Variants in DMD observed in about 807,000 individuals in gnomAD.
DMD encodes the protein dystrophin.
In DMD, 63 loss-of-function variants were observed where a neutral mutation model predicts 330.1. The ratio of observed to expected loss-of-function variants is 0.19; its 90% CI spans 0.16 to 0.24. The LOEUF (loss-of-function observed/expected upper bound fraction) is 0.24, where lower values mean the gene tolerates loss of function less well. DMD is among the 10% of genes least tolerant of loss of function. The pLI, the probability that DMD is intolerant of heterozygous loss-of-function variation, is 1.00. For missense variants in DMD, 3,344 were observed against 2,684.1 expected, an observed-to-expected ratio of 1.25 and a Z score of -5.43; for synonymous variants, 1,223 against 959.8, an observed-to-expected ratio of 1.27 and a Z score of -5.07.
At chrX:32,575,717 ATCTTATC>A (rs1293799960) in intron 13 of DMD, among the ~76,000 whole-genome samples, 4 of 112,069 alleles carry the variant, frequency 3.6e-5, no homozygotes, top group African/African-American at 1.3e-4. Context: ...AATGGAGAAA[ATCTTATC>A]TCTTAAGTAT....
At chrX:31,748,813 G>A (rs771413996) in intron 51 of DMD, among the ~76,000 whole-genome samples, 17 of 111,642 alleles carry the variant, frequency 1.5e-4, no homozygotes, top group Non-Finnish European at 2.8e-4. Flanking sequence ...AATGAAGCAC[G>A]GAATGAAGCA....
intron 61 of DMD, among the ~76,000 whole-genome samples, chrX:31,344,371 T>A (rs2057963454): frequency 2.7e-5 from 3 of 111,911 alleles, no homozygotes; most frequent in Admixed American, 9.5e-5. Flanking sequence ...ATAATCTTTA[T>A]ATTGAGCAAT....
At chrX:32,262,073 T>C (rs764638000) in intron 43 of DMD, among the ~76,000 whole-genome samples, 1 of 111,975 alleles carries the variant, frequency 8.9e-6, no homozygotes, top group East Asian at 2.8e-4. Flanking sequence ...GGTTACTTGA[T>C]ACCTAAGGGC....
intron 60 of DMD, among the ~76,000 whole-genome samples, chrX:31,409,858 G>T (rs761581090): frequency 9.0e-6 from 1 of 110,878 alleles, no homozygotes; most frequent in Admixed American, 9.5e-5. Context: ...TTGCTCTATC[G>T]CCCAGGCTGG....
At chrX:32,034,603 G>T (rs946862230) in intron 44 of DMD, among the ~76,000 whole-genome samples, 1 of 111,275 alleles carries the variant, frequency 9.0e-6, no homozygotes, top group Admixed American at 9.6e-5. Context: ...AATAATTATG[G>T]CTCTAAAACT....
Position 32,816,564 on chromosome X carries a change from C to A in DMD, c.434G>T (p.Arg145Leu), listed in dbSNP as rs398123952. 8.3e-7 allele frequency: 1 copy of A among 1,211,219 alleles called. No individual in the cohort carries two copies. The highest frequency in any genetic ancestry group is 2.2e-5 in the Admixed American group (1 of 45,986). Residue 145 changes from arginine (R) to leucine (L), a missense_variant, in exon 6 of 79, where the codon CGA becomes CTA. Coordinates refer to ENST00000357033, the MANE Select transcript of DMD (RefSeq NM_004006.3). Reference protein sequence around the residue: ...NSEKILLSWVRQSTRNYPQVN... With the variant: ...NSEKILLSWVLQSTRNYPQVN... The stretch of plus-strand genomic sequence containing the variant: ...CTGTGGATAATTACGAGTTGATTGT[C>A]GGACCCAGCTCAGGAGAATCTTTTC...
intron 46 of DMD, among the ~76,000 whole-genome samples, 188 bp from the exon 47 acceptor site, chrX:31,929,933 G>C (rs1398530042): frequency 9.0e-6 from 1 of 111,408 alleles, no homozygotes; most frequent in Non-Finnish European, 1.9e-5. Flanking sequence ...CCCCTCAGTA[G>C]ATAAATCTCT....
intron 60 of DMD, among the ~76,000 whole-genome samples, chrX:31,372,734 C>A (rs2059661021): frequency 9.0e-6 from 1 of 111,559 alleles, no homozygotes; most frequent in East Asian, 2.8e-4. Context: ...TGGGCAAAAA[C>A]TGGAAGCATT....
intron 18 of DMD, among the ~76,000 whole-genome samples, chrX:32,516,090 A>T (rs1186896407): frequency 9.0e-6 from 1 of 111,472 alleles, no homozygotes; most frequent in East Asian, 2.8e-4. Context: ...AGCCATTTTT[A>T]ATGAAAGCCT....
chrX:31,167,186 A>C (rs2039511023), intron 74 of DMD, among the ~76,000 whole-genome samples: 1 of 111,527 alleles, frequency 9.0e-6, no homozygotes, highest in Non-Finnish European at 1.9e-5. Flanking sequence ...TTAGAGTCAG[A>C]AAAATCTGGA....
chrX:31,331,624 T>C (rs1170284174), intron 61 of DMD, among the ~76,000 whole-genome samples: 1 of 111,830 alleles, frequency 8.9e-6, no homozygotes, highest in Non-Finnish European at 1.9e-5. Context: ...TCGAACATAA[T>C]TGGCTGACTG....
intron 1 of DMD, among the ~76,000 whole-genome samples, chrX:33,099,828 C>T (rs1330155963): frequency 9.0e-6 from 1 of 111,214 alleles, no homozygotes; most frequent in Non-Finnish European, 1.9e-5. Flanking sequence ...TGTAAGCATT[C>T]TTTACTGTTT....
At chrX:32,428,697 T>A (rs181852009) in intron 29 of DMD, among the ~76,000 whole-genome samples, 1 of 111,441 alleles carries the variant, frequency 9.0e-6, no homozygotes, top group East Asian at 2.8e-4. Flanking sequence ...CTGCAACCTC[T>A]GCCTCCCAGA....
At chrX:32,324,676 A>G in intron 41 of DMD, among the ~76,000 whole-genome samples, 1 of 111,827 alleles carries the variant, frequency 8.9e-6, no homozygotes, top group Non-Finnish European at 1.9e-5. Flanking sequence ...AAAGGAGAAC[A>G]TGATAAAATC....
At chrX:31,188,203 T>G (rs1223180338) in intron 67 of DMD, among the ~76,000 whole-genome samples, 2 of 112,045 alleles carry the variant, frequency 1.8e-5, no homozygotes, top group Non-Finnish European at 3.8e-5. Context: ...TCTTTCATTT[T>G]TATGACAAAC....
At chrX:32,365,288 G>T in intron 34 of DMD, 89 bp from the exon 35 acceptor site, 1 of 913,605 alleles carries the variant, frequency 1.1e-6, no homozygotes, top group Non-Finnish European at 1.6e-6. Context: ...TGGTTACTAT[G>T]ATTCTGCAAG....
chrX:31,227,979 T>C (rs1450538309), intron 63 of DMD, among the ~76,000 whole-genome samples: 2 of 106,987 alleles, frequency 1.9e-5, no homozygotes, highest in Non-Finnish European at 3.9e-5. Flanking sequence ...AAATTGGAAA[T>C]CATCATTCTC....
At chrX:32,782,414 G>C (rs1162610130) in intron 7 of DMD, among the ~76,000 whole-genome samples, 1 of 111,997 alleles carries the variant, frequency 8.9e-6, no homozygotes, top group Non-Finnish European at 1.9e-5. Flanking sequence ...GTGAAATGCA[G>C]AGTGGAAGAA....
chrX:32,169,364 C>T (rs771846317), intron 44 of DMD, among the ~76,000 whole-genome samples: 1 of 111,853 alleles, frequency 8.9e-6, no homozygotes, highest in African/African-American at 3.2e-5. Flanking sequence ...CATCACTATG[C>T]ATAATTTTTA....
Sources: gnomAD v4.1 joint callset for allele counts (sites outside exome capture counted in the v4.1 genomes callset) on GRCh38, gnomAD v4.1.1 for gene constraint, MANE v1.5 for transcripts, NCBI Gene and HGNC (gene_info 2026-07-23, HGNC 2026-07-21) for gene names.